Variants in FER1L6 observed in about 807,000 individuals in gnomAD.
FER1L6 encodes the protein fer-1-like protein 6.
In FER1L6, 177 loss-of-function variants were observed where a neutral mutation model predicts 219.2. The observed-to-expected ratio is 0.81, with a 90% CI of 0.71 to 0.91. FER1L6 has a LOEUF of 0.91. FER1L6 is among the 40% of genes least tolerant of loss of function. The probability of loss-of-function intolerance (pLI) is 0.00; values close to 1 mark genes in which losing one functional copy is unlikely to be tolerated. For missense variants in FER1L6, 2,153 were observed against 2,259.9 expected (o/e 0.95, Z 0.96); for synonymous variants, 768 against 824.3 (o/e 0.93, Z 1.17).
intron 5 of FER1L6, among the ~76,000 whole-genome samples, chr8:123,966,955 G>T (rs1172817676): frequency 6.6e-6 from 1 of 151,908 alleles, no homozygotes; most frequent in African/African-American, 2.4e-5. Flanking sequence ...GGTGGCAGGT[G>T]CCTGTAGTCC....
intron 1 of FER1L6, among the ~76,000 whole-genome samples, chr8:123,881,052 T>C (rs1026686930): frequency 4.6e-5 from 7 of 152,230 alleles, no homozygotes; most frequent in African/African-American, 1.7e-4. Context: ...ACAAGTCATG[T>C]GCAATGGTGA....
intron 1 of FER1L6, among the ~76,000 whole-genome samples, chr8:123,920,457 C>T (rs938824835): frequency 6.6e-6 from 1 of 152,136 alleles, no homozygotes; most frequent in Non-Finnish European, 1.5e-5. Context: ...GATGAAGAAC[C>T]GCGATTAGAC....
In FER1L6 at chr8:123,875,874, G is replaced by A. The variant is rs139610800; in HGVS notation, c.-8+23689G>A. On this transcript the variant is annotated intron_variant, in intron 1 of 40. Transcript: ENST00000522917. ...CAGAATCTGTCCAGAAGCTAACCACGTCCACCATCTGTCACTACCATTCTG... is the reference window on the plus strand; with the variant it reads ...CAGAATCTGTCCAGAAGCTAACCACATCCACCATCTGTCACTACCATTCTG... 4.6e-5 allele frequency among the ~76,000 whole-genome samples: 7 copies of A among 152,186 alleles called. No homozygotes were observed. The East Asian group carries it at 7.7e-4, about 17-fold the overall frequency.
At chr8:124,108,591 G>GA (rs1236785422) in intron 39 of FER1L6, among the ~76,000 whole-genome samples, 1 of 152,114 alleles carries the variant, frequency 6.6e-6, no homozygotes, top group South Asian at 2.1e-4. Context: ...GTAAATGTAA[G>GA]AAAAAAGATG....
chr8:123,941,601 T>C (rs990396788), intron 1 of FER1L6, among the ~76,000 whole-genome samples: 2 of 152,222 alleles, frequency 1.3e-5, no homozygotes, highest in Admixed American at 6.5e-5. Context: ...TGTAGCCAGA[T>C]GACTTCTGTT....
intron 1 of FER1L6, among the ~76,000 whole-genome samples, chr8:123,856,725 A>T (rs983369513): frequency 2.0e-5 from 3 of 151,942 alleles, no homozygotes; most frequent in African/African-American, 4.8e-5. Flanking sequence ...AGTTAGCACC[A>T]CACATTAACT....
chr8:124,108,539 T>G (rs1822874795), intron 39 of FER1L6, among the ~76,000 whole-genome samples: 1 of 152,158 alleles, frequency 6.6e-6, no homozygotes, highest in South Asian at 2.1e-4. Context: ...CCTAAATATC[T>G]TAGTCAATTT....
chr8:123,871,559 A>AT (rs961886312), intron 1 of FER1L6, among the ~76,000 whole-genome samples: 1 of 152,206 alleles, frequency 6.6e-6, no homozygotes, highest in African/African-American at 2.4e-5. Context: ...ATAAAGTAGT[A>AT]TTTTATCATA....
chr8:124,003,561 G>A (rs558045262), intron 13 of FER1L6, among the ~76,000 whole-genome samples: 6 of 141,228 alleles, frequency 4.2e-5, no homozygotes, highest in East Asian at 4.3e-4. Context: ...CCTCTGCCTC[G>A]TGGGTTCAAT....
chr8:123,931,424 T>G (rs1319270257), intron 1 of FER1L6, among the ~76,000 whole-genome samples: 5 of 152,184 alleles, frequency 3.3e-5, no homozygotes, highest in African/African-American at 9.7e-5. Context: ...TTGGTTCCAT[T>G]GAAATTCACT....
chr8:124,024,970 A>AT (rs541355096), intron 18 of FER1L6, among the ~76,000 whole-genome samples: 22 of 151,604 alleles, frequency 1.5e-4, no homozygotes, highest in South Asian at 1.0e-3. Context: ...GATGCTGAGC[A>AT]TTTTTTTCAT....
intron 34 of FER1L6, 134 bp downstream of exon 34, chr8:124,091,717 A>ATAGT: frequency 4.3e-6 from 4 of 921,766 alleles, no homozygotes; most frequent in Non-Finnish European, 6.5e-6. Context: ...CTGTAATCCC[A>ATAGT]GCACTATGGG....
At chr8:123,864,092 T>G (rs1209574095) in intron 1 of FER1L6, among the ~76,000 whole-genome samples, 1 of 148,592 alleles carries the variant, frequency 6.7e-6, no homozygotes, top group Non-Finnish European at 1.5e-5. Context: ...TCTTTACATT[T>G]TGGCATGATT....
intron 20 of FER1L6, among the ~76,000 whole-genome samples, chr8:124,044,761 C>T (rs564726568): frequency 1.3e-5 from 2 of 152,320 alleles, no homozygotes; most frequent in Non-Finnish European, 1.5e-5. Context: ...CCACTTGCCC[C>T]GCAAACAACT....
At chr8:123,948,629 G>C (rs1563701220) in intron 1 of FER1L6, among the ~76,000 whole-genome samples, 1 of 151,924 alleles carries the variant, frequency 6.6e-6, no homozygotes, top group Non-Finnish European at 1.5e-5. Flanking sequence ...CTTTGTTTTT[G>C]TATAAAGAGG....
In FER1L6 at chr8:124,013,549, C is replaced by A. The variant is rs745413506; in HGVS notation, c.1922+18C>A. On this transcript the variant is annotated intron_variant, in intron 15 of 40. Coordinates refer to ENST00000522917, the MANE Select transcript of FER1L6 (RefSeq NM_001039112.2). Reference sequence around the variant, plus strand: ...CGGAGCAGGTACCGGGAGAGACAGCCGGCATAGGCGGAGCTGAGCTTCTGT... The same window carrying A: ...CGGAGCAGGTACCGGGAGAGACAGCAGGCATAGGCGGAGCTGAGCTTCTGT... 5 of 1,541,328 alleles carry A rather than the reference C, an allele frequency of 3.2e-6. No individual in the cohort carries two copies. Among genetic ancestry groups the A allele is most frequent in the Admixed American group, 2.1e-5 (1 of 48,332 alleles).
intron 34 of FER1L6, among the ~76,000 whole-genome samples, chr8:124,094,537 G>T (rs919901985): frequency 5.9e-5 from 9 of 152,042 alleles, no homozygotes; most frequent in Admixed American, 3.9e-4. Context: ...CCAGGCTGGA[G>T]TGCAGTGGCG....
chr8:124,041,625 A>T (rs1819502589), intron 20 of FER1L6, among the ~76,000 whole-genome samples: 1 of 152,198 alleles, frequency 6.6e-6, no homozygotes, highest in Non-Finnish European at 1.5e-5. Context: ...CTCAGGGTGC[A>T]GGGCTGTACA....
At chr8:123,899,077 C>T (rs1563677837) in intron 1 of FER1L6, among the ~76,000 whole-genome samples, 1 of 151,966 alleles carries the variant, frequency 6.6e-6, no homozygotes, top group Non-Finnish European at 1.5e-5. Context: ...TAAGAAATCT[C>T]CACACTGTTT....
Sources: allele counts gnomAD v4.1 joint callset (sites outside exome capture counted in the v4.1 genomes callset), GRCh38; gene constraint gnomAD v4.1.1; transcripts MANE v1.5; gene names NCBI Gene and HGNC (gene_info 2026-07-23, HGNC 2026-07-21).